ILKAP: variants seen among roughly 807,000 people sequenced by gnomAD.
The protein encoded by ILKAP is integrin-linked kinase-associated serine/threonine phosphatase 2C.
Under a neutral mutation model 49.1 loss-of-function variants are expected in ILKAP, and 11 were observed. The observed-to-expected ratio is 0.22, with a 90% CI of 0.14 to 0.37. The LOEUF is 0.37. ILKAP is among the 10% of genes least tolerant of loss of function. The pLI is 1.00. For synonymous variants in ILKAP, 186 were observed against 192.8 expected, an observed-to-expected ratio of 0.96 and a Z score of 0.29; for missense variants, 363 against 510.8, an observed-to-expected ratio of 0.71 and a Z score of 2.79.
intron 5 of ILKAP, 106 bp downstream of exon 5, chr2:238,188,025 G>C: frequency 7.9e-7 from 1 of 1,267,238 alleles, no homozygotes; most frequent in Non-Finnish European, 1.1e-6. Context: ...GTACAATCAA[G>C]TGATGTGTTA....
At chr2:238,189,688 G>A in intron 4 of ILKAP, 165 bp downstream of exon 4, 1 of 549,212 alleles carries the variant, frequency 1.8e-6, no homozygotes, top group East Asian at 3.5e-5. Context: ...AAAAGTAGGA[G>A]AAAGCACAGA....
chr2:238,198,260 CAA>C (rs1694427746), intron 1 of ILKAP, among the ~76,000 whole-genome samples: 1 of 150,796 alleles, frequency 6.6e-6, no homozygotes, highest in African/African-American at 2.4e-5. Context: ...TAAATTGAGA[CAA>C]GAGTCTCGCT....
At chr2:238,185,802 T>TA (rs200520377) in intron 5 of ILKAP, 10,265 of 136,360 alleles carry the variant, frequency 0.075, 404 homozygotes, top group South Asian at 0.16. Context: ...AGATTCTGTC[T>TA]AAAAAAAAAA....
chr2:238,194,170 TTAA>T, intron 3 of ILKAP, 102 bp downstream of exon 3: 2 of 944,998 alleles, frequency 2.1e-6, no homozygotes, highest in Non-Finnish European at 3.3e-6. Context: ...GTATTATGAC[TTAA>T]TGTCATCCAA....
At chr2:238,192,329 C>A (rs902481407) in intron 3 of ILKAP, among the ~76,000 whole-genome samples, 1 of 152,160 alleles carries the variant, frequency 6.6e-6, no homozygotes, top group African/African-American at 2.4e-5. Context: ...GTAGTCTGTA[C>A]AAGAAACAGA....
At chr2:238,197,689 A>G (rs1040615869) in intron 1 of ILKAP, among the ~76,000 whole-genome samples, 1 of 152,108 alleles carries the variant, frequency 6.6e-6, no homozygotes. Flanking sequence ...ACTGAGCCCC[A>G]TCCCCAGAGA....
chr2:238,176,557 TTCTC>T (rs1341549485), intron 9 of ILKAP, among the ~76,000 whole-genome samples: 1 of 152,260 alleles, frequency 6.6e-6, no homozygotes, highest in Admixed American at 6.5e-5. Flanking sequence ...TTTATTTCTC[TTCTC>T]TGTTTTCTGC....
intron 9 of ILKAP, among the ~76,000 whole-genome samples, chr2:238,176,307 A>G (rs1161589119): frequency 6.6e-6 from 1 of 151,738 alleles, no homozygotes; most frequent in African/African-American, 2.4e-5. Flanking sequence ...TAATTTTTTT[A>G]TTTTTAGTAG....
chr2:238,179,602 G>A (rs1049755326), intron 9 of ILKAP, among the ~76,000 whole-genome samples: 4 of 152,080 alleles, frequency 2.6e-5, no homozygotes, highest in East Asian at 1.9e-4. Context: ...TGCTGATGAC[G>A]CAAGGCAACA....
intron 5 of ILKAP, 78 bp from the exon 6 acceptor site, chr2:238,185,365 C>T (rs2106333689): frequency 2.2e-6 from 2 of 913,868 alleles, no homozygotes; most frequent in Non-Finnish European, 3.5e-6. Flanking sequence ...TAAATTTCGT[C>T]TCAAAGAGTG....
At chr2:238,173,351 T>A (rs1228855082) in intron 10 of ILKAP, among the ~76,000 whole-genome samples, 183 bp downstream of exon 10, 1 of 66,236 alleles carries the variant, frequency 1.5e-5, no homozygotes, top group East Asian at 5.2e-4. Context: ...CCCATCCCCA[T>A]GTGTCCCCCC....
At chr2:238,174,708 G>A (rs1693370655) in intron 9 of ILKAP, among the ~76,000 whole-genome samples, 1 of 152,132 alleles carries the variant, frequency 6.6e-6, no homozygotes, top group African/African-American at 2.4e-5. Flanking sequence ...GACTTCTGCT[G>A]GTATCTGCAA....
rs77949399 is a variant in ILKAP at position 238,175,118 on chromosome 2, C to A, written c.837-1465G>T. The stretch of plus-strand genomic sequence containing the variant: ...AGCACAGGAACTGCCATCTCTCATT[C>A]TCTCTTTTTTTTTTTAAGAGACAGG... On this transcript the variant is annotated intron_variant, in intron 9 of 11. Coordinates refer to ENST00000254654, the MANE Select transcript of ILKAP (RefSeq NM_030768.3). Among the ~76,000 whole-genome samples the A allele has an allele frequency of 3.1e-3, 430 of 140,570 alleles. 2 individuals are homozygous for A. Among genetic ancestry groups the A allele is most frequent in the African/African-American group, 0.01 (414 of 40,690 alleles). The allele number at this position is 140,570 out of a possible 152,430, so 92.2% of individuals were successfully genotyped here.
intron 4 of ILKAP, among the ~76,000 whole-genome samples, chr2:238,188,849 C>T (rs1215698173): frequency 6.6e-6 from 1 of 152,100 alleles, no homozygotes; most frequent in Non-Finnish European, 1.5e-5. Flanking sequence ...ATACCTAATG[C>T]CAGACAAATA....
intron 3 of ILKAP, among the ~76,000 whole-genome samples, chr2:238,191,364 C>T (rs192019906): frequency 1.6e-4 from 24 of 152,050 alleles, no homozygotes; most frequent in African/African-American, 4.8e-4. Context: ...GGTCTTGAAC[C>T]GCCTGTGTCA....
intron 1 of ILKAP, among the ~76,000 whole-genome samples, chr2:238,197,409 G>C (rs950246808): frequency 2.6e-5 from 4 of 152,278 alleles, no homozygotes; most frequent in East Asian, 1.9e-4. Flanking sequence ...CTTAGGACAA[G>C]GGAGGGGACA....
At chr2:238,182,039 T>C (rs780773486) in intron 9 of ILKAP, 26 bp downstream of exon 9, 1 of 1,592,166 alleles carries the variant, frequency 6.3e-7, no homozygotes, top group South Asian at 1.1e-5. Context: ...CTCCTTCCCA[T>C]GAGCTCCTCT....
intron 1 of ILKAP, among the ~76,000 whole-genome samples, chr2:238,197,402 AG>A (rs1694388035): frequency 6.6e-6 from 1 of 152,166 alleles, no homozygotes; most frequent in Non-Finnish European, 1.5e-5. Flanking sequence ...CAGATGTCTT[AG>A]GACAAGGGAG....
At chr2:238,192,753 G>A (rs1469228094) in intron 3 of ILKAP, among the ~76,000 whole-genome samples, 7 of 150,168 alleles carry the variant, frequency 4.7e-5, no homozygotes, top group African/African-American at 7.4e-5. Flanking sequence ...AGTGGCTCAC[G>A]CCTGTAATCT....
Sources: gnomAD v4.1 joint callset for allele counts (sites outside exome capture counted in the v4.1 genomes callset) on GRCh38, gnomAD v4.1.1 for gene constraint, MANE v1.5 for transcripts, NCBI Gene and HGNC (gene_info 2026-07-23, HGNC 2026-07-21) for gene names.